MCTP1: variants seen among roughly 807,000 people sequenced by gnomAD.
The protein encoded by MCTP1 is multiple C2 and transmembrane domain-containing protein 1.
In MCTP1, 69 loss-of-function variants were observed where a neutral mutation model predicts 120.6. That is an observed-to-expected ratio of 0.57 (90% confidence interval 0.47 to 0.70). The LOEUF (loss-of-function observed/expected upper bound fraction) is 0.70, where lower values mean the gene tolerates loss of function less well. Ranked by LOEUF, MCTP1 falls within the 30% of genes least tolerant of loss-of-function variation. The pLI is 0.00. For missense variants in MCTP1, 1,203 were observed against 1,248.8 expected (o/e 0.96, Z 0.55); for synonymous variants, 529 against 493.1 (o/e 1.07, Z -0.96).
At chr5:95,266,294 C>T (rs551205936) in intron 1 of MCTP1, among the ~76,000 whole-genome samples, 12 of 152,308 alleles carry the variant, frequency 7.9e-5, no homozygotes, top group African/African-American at 2.6e-4. Context: ...AGAATTGTTA[C>T]TGAGTCTTCC....
At chr5:94,753,653 A>T (rs1321846286) in intron 19 of MCTP1, among the ~76,000 whole-genome samples, 1 of 152,208 alleles carries the variant, frequency 6.6e-6, no homozygotes, top group Non-Finnish European at 1.5e-5. Context: ...ATCTCAAAAT[A>T]TAGTGTTCAT....
chr5:94,741,255 A>G (rs1765463535), intron 19 of MCTP1, among the ~76,000 whole-genome samples: 1 of 152,228 alleles, frequency 6.6e-6, no homozygotes, highest in Admixed American at 6.5e-5. Flanking sequence ...ACACTCTCAC[A>G]TAGTGACCCT....
At chr5:94,778,572 G>A (rs577515308) in intron 19 of MCTP1, among the ~76,000 whole-genome samples, 1 of 152,232 alleles carries the variant, frequency 6.6e-6, no homozygotes, top group African/African-American at 2.4e-5. Context: ...CTCTGAATGG[G>A]CTTTCCTAAT....
chr5:95,189,592 G>T (rs1205640697), intron 1 of MCTP1, among the ~76,000 whole-genome samples: 1 of 152,076 alleles, frequency 6.6e-6, no homozygotes, highest in Non-Finnish European at 1.5e-5. Flanking sequence ...GCCTTAAAGG[G>T]AAGGGTATAC....
At chr5:94,832,878 A>G (rs1398853141) in intron 17 of MCTP1, among the ~76,000 whole-genome samples, 1 of 152,216 alleles carries the variant, frequency 6.6e-6, no homozygotes, top group East Asian at 1.9e-4. Context: ...ACGTGTCATG[A>G]GCTGCAAGGG....
intron 1 of MCTP1, among the ~76,000 whole-genome samples, chr5:95,124,299 G>A (rs764174326): frequency 6.6e-6 from 1 of 152,244 alleles, no homozygotes; most frequent in Non-Finnish European, 1.5e-5. Context: ...GGTGGGTGTG[G>A]TGGATAAAGA....
At chr5:94,908,693 T>A (rs1017923048) in intron 10 of MCTP1, among the ~76,000 whole-genome samples, 2 of 143,798 alleles carry the variant, frequency 1.4e-5, no homozygotes, top group Non-Finnish European at 3.0e-5. Flanking sequence ...AAAATAACCT[T>A]AACTTTGTGA....
intron 1 of MCTP1, among the ~76,000 whole-genome samples, chr5:95,122,396 T>C (rs1488977448): frequency 6.6e-6 from 1 of 152,128 alleles, no homozygotes; most frequent in African/African-American, 2.4e-5. Flanking sequence ...GTATATGAAA[T>C]GGTGCTCAAC....
At chr5:95,175,878 A>G (rs559092633) in intron 1 of MCTP1, among the ~76,000 whole-genome samples, 2 of 152,330 alleles carry the variant, frequency 1.3e-5, no homozygotes, top group East Asian at 3.9e-4. Flanking sequence ...AGGTTTTCTC[A>G]AAACCAAACA....
chr5:94,913,240 T>G (rs1809237843), intron 8 of MCTP1, among the ~76,000 whole-genome samples: 1 of 152,178 alleles, frequency 6.6e-6, no homozygotes, highest in South Asian at 2.1e-4. Context: ...TTACAAGATG[T>G]AGATACTTCA....
At chr5:94,924,431 T>C (rs141749685) in intron 6 of MCTP1, among the ~76,000 whole-genome samples, 10 of 152,292 alleles carry the variant, frequency 6.6e-5, no homozygotes, top group African/African-American at 1.9e-4. Context: ...AGAAGTCTTA[T>C]TTATAAACAT....
chr5:95,160,178 T>C (rs1350588248), intron 1 of MCTP1, among the ~76,000 whole-genome samples: 1 of 152,090 alleles, frequency 6.6e-6, no homozygotes, highest in Non-Finnish European at 1.5e-5. Context: ...ATTAGACAAA[T>C]TGCAAATAGT....
intron 1 of MCTP1, among the ~76,000 whole-genome samples, chr5:95,211,242 T>C (rs1752333447): frequency 6.6e-6 from 1 of 152,172 alleles, no homozygotes; most frequent in Non-Finnish European, 1.5e-5. Context: ...ATTGGGGAAG[T>C]TCTCCTGGAT....
intron 1 of MCTP1, among the ~76,000 whole-genome samples, chr5:95,196,421 G>C (rs769407092): frequency 1.3e-5 from 2 of 152,130 alleles, no homozygotes; most frequent in Non-Finnish European, 2.9e-5. Context: ...CACAAAGCTG[G>C]AAAGTGGCAG....
At position 95,097,434 on chromosome 5, in the gene MCTP1, G is replaced by A. The variant is rs371701139; in HGVS notation, c.721-79950C>T. On this transcript the variant is annotated intron_variant, in intron 1 of 22. Coordinates refer to ENST00000515393, the MANE Select transcript of MCTP1 (RefSeq NM_024717.7). ...AGGAACATAAACTAACACATGCAAG[G>A]GCCTTGGGATAGGAAAGACCTGGTA... Among the ~76,000 whole-genome samples the A allele has an allele frequency of 8.7e-4, 132 of 152,302 alleles. 2 individuals are homozygous for A. The highest frequency in any genetic ancestry group is 4.8e-3 in the Admixed American group (73 of 15,298).
intron 1 of MCTP1, among the ~76,000 whole-genome samples, chr5:95,061,553 A>G (rs1749221578): frequency 6.8e-6 from 1 of 147,462 alleles, no homozygotes; most frequent in African/African-American, 2.5e-5. Flanking sequence ...CTCCTGCCTC[A>G]GCCTCCAAAG....
intron 17 of MCTP1, among the ~76,000 whole-genome samples, chr5:94,841,024 T>A (rs906870966): frequency 6.6e-6 from 1 of 152,158 alleles, no homozygotes; most frequent in African/African-American, 2.4e-5. Context: ...ACAGAGTAAG[T>A]ACTCAATGTG....
At chr5:94,827,916 C>T (rs1020708073) in intron 17 of MCTP1, among the ~76,000 whole-genome samples, 7 of 151,920 alleles carry the variant, frequency 4.6e-5, no homozygotes, top group Non-Finnish European at 7.4e-5. Flanking sequence ...AGAACATGCT[C>T]CTTTAGTTCA....
At chr5:95,253,574 T>C (rs1233096020) in intron 1 of MCTP1, among the ~76,000 whole-genome samples, 2 of 152,096 alleles carry the variant, frequency 1.3e-5, no homozygotes, top group East Asian at 3.9e-4. Flanking sequence ...CCGATGAAAA[T>C]GTATGAAAAG....
Sources: gnomAD v4.1 joint callset for allele counts (sites outside exome capture counted in the v4.1 genomes callset) on GRCh38, gnomAD v4.1.1 for gene constraint, MANE v1.5 for transcripts, NCBI Gene and HGNC (gene_info 2026-07-23, HGNC 2026-07-21) for gene names.